CLYBL: variants seen among roughly 807,000 people sequenced by gnomAD.
The protein encoded by CLYBL is citramalyl-CoA lyase, mitochondrial.
Under a neutral mutation model 38.9 loss-of-function variants are expected in CLYBL, and 31 were observed. The ratio of observed to expected loss-of-function variants is 0.80; its 90% CI spans 0.60 to 1.08. CLYBL has a LOEUF of 1.08. CLYBL is among the 50% of genes least tolerant of loss of function. The probability of loss-of-function intolerance (pLI) is 0.00; values close to 1 mark genes in which losing one functional copy is unlikely to be tolerated. For missense variants in CLYBL, 434 were observed against 411.6 expected (o/e 1.05, Z -0.47); for synonymous variants, 171 against 158.6 (o/e 1.08, Z -0.59).
chr13:99,892,495 C>T lies in CLYBL; in HGVS notation c.*77C>T, dbSNP rs2075646682. Reference sequence around the variant, plus strand: ...ATCAACTTGTGCTTGCCAGAGGACGCCAATGAAGTTTGAAACACCAACAAT... The same window carrying T: ...ATCAACTTGTGCTTGCCAGAGGACGTCAATGAAGTTTGAAACACCAACAAT... On this transcript the variant is annotated 3_prime_UTR_variant, in exon 9 of 9. Coordinates refer to ENST00000339105, the MANE Select transcript of CLYBL (RefSeq NM_206808.5). 6.6e-6 allele frequency: 1 copy of T among 152,626 alleles called. No homozygotes were observed. The highest frequency in any genetic ancestry group is 1.5e-5 in the Non-Finnish European group (1 of 68,052). The allele number at this position is 152,626 out of a possible 1,614,324, so 9.5% of individuals were successfully genotyped here.
chr13:99,772,789 T>G (rs745785615), intron 1 of CLYBL, 35 bp from the exon 2 acceptor site: 49 of 1,501,312 alleles, frequency 3.3e-5, no homozygotes, highest in Non-Finnish European at 4.2e-5. Context: ...TACAGAAATC[T>G]CATTCTGGAC....
At chr13:99,800,206 C>CA (rs2050104062) in intron 2 of CLYBL, among the ~76,000 whole-genome samples, 1 of 152,184 alleles carries the variant, frequency 6.6e-6, no homozygotes. Context: ...GGCTCAGGGC[C>CA]AACCAGTCAG....
At chr13:99,828,144 A>G (rs1401788034) in intron 2 of CLYBL, among the ~76,000 whole-genome samples, 1 of 152,178 alleles carries the variant, frequency 6.6e-6, no homozygotes, top group East Asian at 1.9e-4. Context: ...TTTTGTGGCT[A>G]CCTGTTCTCT....
intron 1 of CLYBL, among the ~76,000 whole-genome samples, chr13:99,630,251 T>C (rs74112508): frequency 0.019 from 2,844 of 152,324 alleles, 73 homozygotes; most frequent in African/African-American, 0.065. Context: ...AGAGGTATCA[T>C]CCTGATAAAT....
At chr13:99,858,562 C>T (rs1006654675) in intron 2 of CLYBL, among the ~76,000 whole-genome samples, 3 of 152,196 alleles carry the variant, frequency 2.0e-5, no homozygotes, top group African/African-American at 7.2e-5. Context: ...ACTATTTTCC[C>T]CTTCCCATTG....
chr13:99,800,524 A>G (rs2050110879), intron 2 of CLYBL, among the ~76,000 whole-genome samples: 1 of 152,202 alleles, frequency 6.6e-6, no homozygotes, highest in South Asian at 2.1e-4. Flanking sequence ...TCCCTGAAGC[A>G]AAATCCCTGG....
chr13:99,856,363 G>C (rs1367800363), intron 2 of CLYBL, among the ~76,000 whole-genome samples: 1 of 152,188 alleles, frequency 6.6e-6, no homozygotes, highest in African/African-American at 2.4e-5. Flanking sequence ...GGATGGAGAT[G>C]ATGACTCAAA....
At chr13:99,683,047 A>C (rs1341816144) in intron 1 of CLYBL, among the ~76,000 whole-genome samples, 1 of 144,766 alleles carries the variant, frequency 6.9e-6, no homozygotes, top group African/African-American at 2.6e-5. Context: ...CCAACTTTTT[A>C]CTTTATAAAC....
intron 1 of CLYBL, among the ~76,000 whole-genome samples, chr13:99,667,143 G>A (rs1594109400): frequency 6.6e-6 from 1 of 152,084 alleles, no homozygotes; most frequent in African/African-American, 2.4e-5. Flanking sequence ...GAAGATGTGG[G>A]GCTTTGGGGG....
chr13:99,733,629 T>A (rs949898397), intron 1 of CLYBL, among the ~76,000 whole-genome samples: 1 of 152,260 alleles, frequency 6.6e-6, no homozygotes, highest in African/African-American at 2.4e-5. Flanking sequence ...TTGGAAAATA[T>A]GGTTCCTTCC....
At chr13:99,890,930 T>C (rs1374173497) in intron 7 of CLYBL, among the ~76,000 whole-genome samples, 2 of 152,198 alleles carry the variant, frequency 1.3e-5, no homozygotes, top group Non-Finnish European at 2.9e-5. Context: ...GATGGTACAA[T>C]TTTTTAAAAC....
rs568999332 is a variant in CLYBL, at chr13:99,883,287, G to A, written c.928-8031G>A. 2.1e-4 allele frequency among the ~76,000 whole-genome samples: 32 copies of A among 152,194 alleles called. No individual in the cohort carries two copies. The South Asian group carries it at 5.2e-3, about 25-fold the overall frequency. On this transcript the variant is annotated intron_variant, in intron 7 of 8. Transcript: ENST00000339105. ...TGTAATCCCAGCACTTTGGGAGGCCGAGGCGGGTGGATCATGAGGTCAGGA... is the reference window on the plus strand; with the variant it reads ...TGTAATCCCAGCACTTTGGGAGGCCAAGGCGGGTGGATCATGAGGTCAGGA...
At chr13:99,886,822 A>G (rs1403222651) in intron 7 of CLYBL, among the ~76,000 whole-genome samples, 1 of 152,118 alleles carries the variant, frequency 6.6e-6, no homozygotes, top group Non-Finnish European at 1.5e-5. Flanking sequence ...ATCAGGTAGC[A>G]CCTGCTTCTT....
chr13:99,726,751 G>A (rs1024849625), intron 1 of CLYBL: 1 of 151,660 alleles, frequency 6.6e-6, no homozygotes, highest in Admixed American at 6.6e-5. Flanking sequence ...AGTAGTGTCT[G>A]TAGGGCCTCA....
At chr13:99,706,557 G>A (rs955824880) in intron 1 of CLYBL, among the ~76,000 whole-genome samples, 10 of 152,090 alleles carry the variant, frequency 6.6e-5, no homozygotes, top group Admixed American at 5.2e-4. Context: ...AGAGTATTAC[G>A]GAAGGTGATA....
chr13:99,636,328 C>T (rs958308635), intron 1 of CLYBL, among the ~76,000 whole-genome samples: 1 of 152,194 alleles, frequency 6.6e-6, no homozygotes, highest in Non-Finnish European at 1.5e-5. Context: ...TTACCAAGGT[C>T]TTAAAGTCCT....
intron 8 of CLYBL, among the ~76,000 whole-genome samples, chr13:99,904,972 C>A (rs1033252713): frequency 6.6e-6 from 1 of 152,180 alleles, no homozygotes; most frequent in African/African-American, 2.4e-5. Context: ...CTGCCTCCCC[C>A]AGAACAGTAC....
At chr13:99,691,586 T>TA (rs897611439) in intron 1 of CLYBL, among the ~76,000 whole-genome samples, 53 of 145,466 alleles carry the variant, frequency 3.6e-4, no homozygotes, top group South Asian at 4.4e-4. Flanking sequence ...CATTTTGACC[T>TA]AAAAAAAAAA....
At chr13:99,857,034 G>A (rs1020841349) in intron 2 of CLYBL, among the ~76,000 whole-genome samples, 2 of 151,894 alleles carry the variant, frequency 1.3e-5, no homozygotes, top group African/African-American at 4.8e-5. Flanking sequence ...CGTATTTAGG[G>A]CCGGGCACCG....
Sources: allele counts gnomAD v4.1 joint callset (sites outside exome capture counted in the v4.1 genomes callset), GRCh38; gene constraint gnomAD v4.1.1; transcripts MANE v1.5; gene names NCBI Gene and HGNC (gene_info 2026-07-23, HGNC 2026-07-21).